KIF1B: variants seen among roughly 807,000 people sequenced by gnomAD.
KIF1B encodes kinesin-like protein KIF1B.
In KIF1B, 76 loss-of-function variants were observed where a neutral mutation model predicts 241.9. The ratio of observed to expected loss-of-function variants is 0.31; its 90% CI spans 0.26 to 0.38. The LOEUF (loss-of-function observed/expected upper bound fraction) is 0.38. KIF1B is among the 10% of genes least tolerant of loss of function. The pLI, the probability that KIF1B is intolerant of heterozygous loss-of-function variation, is 1.00. For missense variants in KIF1B, 1,622 were observed against 2,271.4 expected (o/e 0.71, Z 5.81); for synonymous variants, 750 against 796.7 (o/e 0.94, Z 0.99).
At chr1:10,212,583 A>G (rs1404075885) in intron 1 of KIF1B, among the ~76,000 whole-genome samples, 1 of 152,062 alleles carries the variant, frequency 6.6e-6, no homozygotes, top group Non-Finnish European at 1.5e-5. Flanking sequence ...CTCAGGTTGA[A>G]CTATGTAAAA....
In KIF1B at chr1:10,323,979, G is replaced by C; in HGVS notation, c.2454G>C (p.Arg818Ser). The change falls in exon 25 of 49, where the codon AGG becomes AGC. Residue 818 changes from arginine (R) to serine (S), a missense_variant. Transcript: ENST00000676179. ...AGATGGAAAAAACTCATGAGGACAG[G>C]CCTTTCCCTCGCACAGTGGTAGCAG... ...PTEMEKTHED[R>S]PFPRTVVAVE... is the part of the protein sequence containing the mutation. The C allele has an allele frequency of 6.2e-7, 1 of 1,614,096 alleles. No homozygotes were observed. Among genetic ancestry groups the C allele is most frequent in the South Asian group, 1.1e-5 (1 of 91,074 alleles).
chr1:10,259,179 G>T (rs1647969677), intron 4 of KIF1B, among the ~76,000 whole-genome samples: 2 of 146,474 alleles, frequency 1.4e-5, no homozygotes. Flanking sequence ...AGAACAGTTA[G>T]TATTATTGGG....
intron 5 of KIF1B, among the ~76,000 whole-genome samples, chr1:10,265,503 G>A (rs1237042804): frequency 6.6e-6 from 1 of 152,030 alleles, no homozygotes; most frequent in Non-Finnish European, 1.5e-5. Flanking sequence ...CCCAAAGAGT[G>A]GGGATTCCAG....
chr1:10,212,916 A>ATATATATG (rs1646715344), intron 1 of KIF1B, among the ~76,000 whole-genome samples: 4 of 122,068 alleles, frequency 3.3e-5, no homozygotes, highest in East Asian at 2.3e-4. Context: ...ATATATATAT[A>ATATATATG]TATATATATA....
Position 10,376,841 on chromosome 1 carries a change from A to G in KIF1B, c.*254A>G, listed in dbSNP as rs1249131624. The G allele has an allele frequency of 2.2e-6, 1 of 455,294 alleles. No homozygotes were observed. Among genetic ancestry groups the G allele is most frequent in the Non-Finnish European group, 4.1e-6 (1 of 244,860 alleles). 28.2% of individuals were successfully genotyped at this position (455,294 alleles called of 1,614,324 possible). On this transcript the variant is annotated 3_prime_UTR_variant, in exon 49 of 49. Transcript: ENST00000676179. The stretch of plus-strand genomic sequence containing the variant: ...AAGGAAAAAATGTTTTTAAACACAC[A>G]CACACACACACACACACACACACAC...
At position 10,341,954 on chromosome 1, in the gene KIF1B, A is replaced by G. The variant is rs888125359; in HGVS notation, c.3514-96A>G. On this transcript the variant is annotated intron_variant, in intron 32 of 48. Coordinates refer to ENST00000676179, the MANE Select transcript of KIF1B (RefSeq NM_001365951.3). The stretch of plus-strand genomic sequence containing the variant: ...GCTACAGAGCAAGACCTTGCCTCAA[A>G]AAAAAAAAAAAAAACCCAAAATACG... 31 of 604,274 alleles carry G rather than the reference A, an allele frequency of 5.1e-5. No homozygotes were observed. In the African/African-American group the frequency reaches 5.4e-4, roughly 10 times the overall value. 37.4% of individuals were successfully genotyped at this position (604,274 alleles called of 1,614,324 possible).
intron 5 of KIF1B, among the ~76,000 whole-genome samples, chr1:10,263,914 TC>T (rs1235329147): frequency 6.6e-6 from 1 of 152,200 alleles, no homozygotes; most frequent in Non-Finnish European, 1.5e-5. Flanking sequence ...TTGCCTTTTT[TC>T]CTGTTTCAAG....
intron 1 of KIF1B, among the ~76,000 whole-genome samples, chr1:10,211,962 T>G (rs927962459): frequency 6.6e-6 from 1 of 152,096 alleles, no homozygotes; most frequent in Admixed American, 6.5e-5. Flanking sequence ...AGAGAAGAAG[T>G]AAACCAGAGT....
In KIF1B at chr1:10,336,732, A is replaced by G. The variant is rs751434716; in HGVS notation, c.3119A>G (p.Tyr1040Cys). 51 of 1,612,072 alleles carry G rather than the reference A, an allele frequency of 3.2e-5. No individual in the cohort carries two copies. The highest frequency in any genetic ancestry group is 5.0e-5 in the Admixed American group (3 of 59,992). Residue 1040 changes from tyrosine to cysteine, a missense_variant, in exon 29 of 49, where the codon TAC becomes TGC. By Grantham distance (194) the Tyr-to-Cys change is radical (BLOSUM62 -2). Coordinates refer to ENST00000676179, the MANE Select transcript of KIF1B (RefSeq NM_001365951.3). Reference sequence around the variant, plus strand: ...GCTAAAATATCTTTTGATAATGAATACTTTAATCAGGTGAGAAACCGTCAG... The same window carrying G: ...GCTAAAATATCTTTTGATAATGAATGCTTTAATCAGGTGAGAAACCGTCAG... The part of the protein sequence containing the change: ...GTAKISFDNE[Y>C]FNQSDFSSVA...
intron 45 of KIF1B, 56 bp downstream of exon 45, chr1:10,371,318 A>T (rs1312874451): frequency 6.3e-7 from 1 of 1,599,684 alleles, no homozygotes; most frequent in African/African-American, 1.3e-5. Context: ...GTAAATGTCA[A>T]CCTTCCTCTA....
chr1:10,265,235 TATTTATTTA>T (rs1304228081), intron 5 of KIF1B, among the ~76,000 whole-genome samples: 18 of 149,162 alleles, frequency 1.2e-4, no homozygotes, highest in African/African-American at 3.9e-4. Context: ...TTTATTTATT[TATTTATTTA>T]TTTATTTTTA....
rs565761780 is a variant in KIF1B at position 10,254,749 on chromosome 1, C to T, written c.107-1498C>T. On this transcript the variant is annotated intron_variant, in intron 2 of 48. Transcript: ENST00000676179. ...AAAATTAGCTGGGCGTGGTGGCGGG[C>T]GCCTGTAGTCCTAGCTACTCAGGAG... Among the ~76,000 whole-genome samples the T allele has an allele frequency of 2.2e-3, 337 of 151,546 alleles. 1 individual carries two copies. The highest frequency in any genetic ancestry group is 7.7e-3 in the African/African-American group (319 of 41,350).
chr1:10,219,365 C>T (rs1218570649), intron 1 of KIF1B, among the ~76,000 whole-genome samples: 1 of 151,902 alleles, frequency 6.6e-6, no homozygotes, highest in Non-Finnish European at 1.5e-5. Flanking sequence ...GAGACTGAGG[C>T]AAGAGAATCA....
chr1:10,331,972 C>T (rs190124821), intron 27 of KIF1B, among the ~76,000 whole-genome samples: 2,899 of 134,572 alleles, frequency 0.022, 41 homozygotes, highest in Non-Finnish European at 0.032. Context: ...ATTTAGCTTT[C>T]ACTTATGCAT....
chr1:10,296,727 A>C, intron 20 of KIF1B, 62 bp downstream of exon 20: 1 of 1,517,088 alleles, frequency 6.6e-7, no homozygotes, highest in Non-Finnish European at 9.1e-7. Context: ...GACAACTCTA[A>C]TTTTTGGCTG....
At chr1:10,280,570 G>T (rs75468152) in intron 14 of KIF1B, among the ~76,000 whole-genome samples, 1 of 152,076 alleles carries the variant, frequency 6.6e-6, no homozygotes, top group South Asian at 2.1e-4. Flanking sequence ...GGCATGTAAT[G>T]AGGCTTGGCA....
chr1:10,314,000 T>G lies in KIF1B; in HGVS notation c.2116-6043T>G, dbSNP rs1221890052. ...ACCTCTGCCTCCTGGGTTCAAGCAG[T>G]TCTCCTGCTCAGCCTTCCGAGTAGC... is the stretch of plus-strand genomic sequence containing the variant. On this transcript the variant is annotated intron_variant, in intron 22 of 48. Transcript: ENST00000676179. 2.6e-5 allele frequency among the ~76,000 whole-genome samples: 4 copies of G among 151,452 alleles called. No homozygotes were observed. The East Asian group carries it at 7.8e-4, about 29-fold the overall frequency.
rs1449980463 is a variant in KIF1B at position 10,364,200 on chromosome 1, C to CTTTTTTTTCTTTTTT, written c.4366+864_4366+865insCTTTTTTTTTTTTTT. On this transcript the variant is annotated intron_variant, in intron 41 of 48. Coordinates refer to ENST00000676179, the MANE Select transcript of KIF1B (RefSeq NM_001365951.3). ...AAATTTTTATTTTTAGGGACAGGAT[C>CTTTTTTTTCTTTTTT]TTTTTTTTTTTTTTTTTTTTTTGAG... 1.8e-5 allele frequency among the ~76,000 whole-genome samples: 2 copies of CTTTTTTTTCTTTTTT among 113,864 alleles called. 1 individual carries two copies. The highest frequency in any genetic ancestry group is 6.8e-5 in the African/African-American group (2 of 29,438). 74.7% of individuals were successfully genotyped at this position (113,864 alleles called of 152,430 possible).
At position 10,324,830 on chromosome 1, in the gene KIF1B, C is replaced by T. The variant is rs775697231; in HGVS notation, c.2610C>T (p.Ser870=). Residue 870 remains serine, a synonymous_variant, in exon 26 of 49, where the codon AGC becomes AGT. Transcript: ENST00000676179. The part of the protein sequence containing the change: ...GEMASSAQDE[S]ETTVTGSDPF... Reference sequence around the variant, plus strand: ...TGGCCTCCAGTGCCCAAGACGAAAGCGAAACCACTGTGACTGGCAGCGATC... The same window carrying T: ...TGGCCTCCAGTGCCCAAGACGAAAGTGAAACCACTGTGACTGGCAGCGATC... 10 of 1,614,000 alleles carry T rather than the reference C, an allele frequency of 6.2e-6. No individual in the cohort carries two copies. The highest frequency in any genetic ancestry group is 2.7e-5 in the African/African-American group (2 of 74,908).
Sources: allele counts gnomAD v4.1 joint callset (sites outside exome capture counted in the v4.1 genomes callset), GRCh38; gene constraint gnomAD v4.1.1; transcripts MANE v1.5; gene names NCBI Gene and HGNC (gene_info 2026-07-23, HGNC 2026-07-21).